SLC9A8: variants seen among roughly 807,000 people sequenced by gnomAD.
The protein encoded by SLC9A8 is solute carrier family 9 member A8.
Under a neutral mutation model 66.6 loss-of-function variants are expected in SLC9A8, and 48 were observed. That is an observed-to-expected ratio of 0.72 (90% CI 0.57 to 0.92). The LOEUF (loss-of-function observed/expected upper bound fraction) is 0.92, where lower values mean the gene tolerates loss of function less well. Among genes scored for constraint, SLC9A8 ranks in the 40% least tolerant of loss-of-function variants. The pLI is 0.00. For synonymous variants in SLC9A8, 274 were observed against 282.6 expected, an observed-to-expected ratio of 0.97 and a Z score of 0.31; for missense variants, 599 against 747.3, an observed-to-expected ratio of 0.80 and a Z score of 2.31.
chr20:49,884,037 G>A lies in SLC9A8; in HGVS notation c.1462G>A (p.Asp488Asn), dbSNP rs1174817697. ...DAKAHRRNKK[D>N]VNLSKTEKMG... ...CAAGGCACACCGCAGGAACAAGAAG[G>A]ACGTCAACCTCAGCAAGACTGAGAA... is the stretch of plus-strand genomic sequence containing the variant. The change falls in exon 14 of 16, where the codon GAC becomes AAC. Residue 488 changes from aspartate (D) to asparagine (N), a missense_variant. Coordinates refer to ENST00000361573, the MANE Select transcript of SLC9A8 (RefSeq NM_015266.3). The A allele has an allele frequency of 1.9e-6, 3 of 1,613,558 alleles. No individual in the cohort carries two copies. Among genetic ancestry groups the A allele is most frequent in the Non-Finnish European group, 2.5e-6 (3 of 1,180,010 alleles).
rs1377087171 is a variant in SLC9A8 at position 49,891,247 on chromosome 20, T to C, written c.*3311T>C. 1.3e-5 allele frequency: 2 copies of C among 151,872 alleles called. No homozygotes were observed. Among genetic ancestry groups the C allele is most frequent in the African/African-American group, 4.8e-5 (2 of 41,302 alleles). The allele number at this position is 151,872 out of a possible 1,614,324, so 9.4% of individuals were successfully genotyped here. On this transcript the variant is annotated 3_prime_UTR_variant, in exon 16 of 16. Transcript: ENST00000361573. ...TCCACCCCCCGCATTCCCTGCCGAGTGAGAGCCAGTGTTTGCTGCCCTTGC... is the reference window on the plus strand; with the variant it reads ...TCCACCCCCCGCATTCCCTGCCGAGCGAGAGCCAGTGTTTGCTGCCCTTGC...
chr20:49,864,756 C>T lies in SLC9A8; in HGVS notation c.870C>T (p.Asp290=). 1 of 1,613,910 alleles carries T rather than the reference C, an allele frequency of 6.2e-7. No homozygotes were observed. The highest frequency in any genetic ancestry group is 8.5e-7 in the Non-Finnish European group (1 of 1,179,774). The part of the protein sequence containing the change: ...LISALVLKHI[D]LRKTPSLEFG... ...TCATTTACGTGCTGAAGCATATTGA[C>T]TTGAGGAAAACGCCTTCCTTGGAGT... is the stretch of plus-strand genomic sequence containing the variant. Residue 290 remains aspartate (D), a synonymous_variant, in exon 10 of 16, where the codon GAC becomes GAT. Transcript: ENST00000361573.
chr20:49,865,393 C>T (rs920092568), intron 10 of SLC9A8, among the ~76,000 whole-genome samples: 1 of 152,174 alleles, frequency 6.6e-6, no homozygotes, highest in Admixed American at 6.5e-5. Context: ...GTTTATTGGA[C>T]ACACTTTACC....
intron 3 of SLC9A8, among the ~76,000 whole-genome samples, chr20:49,825,324 C>T (rs2086877352): frequency 6.6e-6 from 1 of 152,166 alleles, no homozygotes; most frequent in Non-Finnish European, 1.5e-5. Context: ...TCTTTCCATT[C>T]AAGGGACAAA....
At chr20:49,841,959 C>T (rs982573002) in intron 4 of SLC9A8, among the ~76,000 whole-genome samples, 46 of 152,126 alleles carry the variant, frequency 3.0e-4, no homozygotes, top group Admixed American at 6.5e-5. Context: ...AGGCTGTTCT[C>T]GAGCTCCTGG....
In SLC9A8 at chr20:49,814,881, G is replaced by A. The variant is rs890883964; in HGVS notation, c.27-127G>A. ...TTTTCTTAGTAAGTTTCTCTCGAAGGCCTGCCTGTTAAAGACTTCTGAATC... is the reference window on the plus strand; with the variant it reads ...TTTTCTTAGTAAGTTTCTCTCGAAGACCTGCCTGTTAAAGACTTCTGAATC... On this transcript the variant is annotated intron_variant, in intron 1 of 15. Coordinates refer to ENST00000361573, the MANE Select transcript of SLC9A8 (RefSeq NM_015266.3). The A allele has an allele frequency of 1.4e-5, 9 of 652,984 alleles. No individual in the cohort carries two copies. The Admixed American group carries it at 1.6e-4, about 12-fold the overall frequency. The allele number at this position is 652,984 out of a possible 1,614,324, so 40.4% of individuals were successfully genotyped here.
At chr20:49,823,634 T>C (rs1209616591) in intron 3 of SLC9A8, among the ~76,000 whole-genome samples, 1 of 152,176 alleles carries the variant, frequency 6.6e-6, no homozygotes, top group Non-Finnish European at 1.5e-5. Context: ...ATTTCTGTTT[T>C]GTTTCCTGTG....
intron 8 of SLC9A8, among the ~76,000 whole-genome samples, chr20:49,860,607 G>A (rs1178342087): frequency 6.6e-6 from 1 of 152,096 alleles, no homozygotes; most frequent in Non-Finnish European, 1.5e-5. Flanking sequence ...TGTAGTCCCA[G>A]CTACTTGGGA....
intron 7 of SLC9A8, among the ~76,000 whole-genome samples, chr20:49,853,389 A>T (rs1370684954): frequency 1.3e-5 from 2 of 151,942 alleles, no homozygotes; most frequent in Non-Finnish European, 2.9e-5. Flanking sequence ...CCATCCTCCC[A>T]CCTCAGCCTC....
chr20:49,892,117 T>G lies in SLC9A8; in HGVS notation c.*4181T>G, dbSNP rs2090058309. 6.6e-6 allele frequency: 1 copy of G among 152,262 alleles called. No homozygotes were observed. The highest frequency in any genetic ancestry group is 1.5e-5 in the Non-Finnish European group (1 of 68,076). 9.4% of individuals were successfully genotyped at this position (152,262 alleles called of 1,614,324 possible). A position where few individuals can be genotyped will look rare whatever the true frequency, so the allele number is the denominator to read the frequency against. On this transcript the variant is annotated 3_prime_UTR_variant, in exon 16 of 16. Transcript: ENST00000361573. The stretch of plus-strand genomic sequence containing the variant: ...GAAGGCGGGTCAGAGATGGGGGACC[T>G]GTGGCTGCCATGCAGGAGCCCCTGC...
At chr20:49,834,833 G>A (rs2087465803) in intron 3 of SLC9A8, among the ~76,000 whole-genome samples, 1 of 152,028 alleles carries the variant, frequency 6.6e-6, no homozygotes, top group Admixed American at 6.6e-5. Context: ...CATTTAGAAG[G>A]GAAAAAGAAA....
intron 8 of SLC9A8, among the ~76,000 whole-genome samples, chr20:49,862,174 A>C (rs567861670): frequency 6.6e-6 from 1 of 150,384 alleles, no homozygotes; most frequent in Non-Finnish European, 1.5e-5. Context: ...TCCTTTGCAC[A>C]TGCTGTTCCC....
At chr20:49,866,860 TG>T (rs2088991472) in intron 10 of SLC9A8, among the ~76,000 whole-genome samples, 1 of 152,226 alleles carries the variant, frequency 6.6e-6, no homozygotes. Context: ...TCAAAGTCAC[TG>T]ATCTTCTGCC....
chr20:49,834,429 T>C (rs1180550445), intron 3 of SLC9A8, among the ~76,000 whole-genome samples: 3 of 44,670 alleles, frequency 6.7e-5, no homozygotes, highest in Non-Finnish European at 1.3e-4. Flanking sequence ...TGTATATATA[T>C]ACTGTATATA....
intron 8 of SLC9A8, among the ~76,000 whole-genome samples, chr20:49,862,232 T>C (rs2088771881): frequency 1.3e-5 from 2 of 152,112 alleles, no homozygotes; most frequent in African/African-American, 4.8e-5. Flanking sequence ...GTCGTCTTTA[T>C]CCCAAATCTA....
intron 3 of SLC9A8, among the ~76,000 whole-genome samples, chr20:49,826,484 T>C (rs2086916108): frequency 1.3e-5 from 2 of 152,222 alleles, no homozygotes; most frequent in Admixed American, 1.3e-4. Context: ...ATTACTGGTC[T>C]TTTGCTTTAT....
At chr20:49,830,453 C>T (rs1204639659) in intron 3 of SLC9A8, 4 of 822,978 alleles carry the variant, frequency 4.9e-6, no homozygotes, top group African/African-American at 1.7e-5. Context: ...TGGTGCTGGG[C>T]CCCAGTGGTA....
chr20:49,864,868 T>G, intron 10 of SLC9A8, 24 bp downstream of exon 10: 1 of 1,480,536 alleles, frequency 6.8e-7, no homozygotes. Context: ...AGCCTGAAAG[T>G]GCTGTGGTGA....
intron 3 of SLC9A8, among the ~76,000 whole-genome samples, chr20:49,831,685 C>T (rs953652904): frequency 8.5e-5 from 13 of 152,164 alleles, no homozygotes; most frequent in African/African-American, 2.2e-4. Context: ...CAGAGGGTCC[C>T]GTGGGGCCCC....
Sources: allele counts gnomAD v4.1 joint callset (sites outside exome capture counted in the v4.1 genomes callset), GRCh38; gene constraint gnomAD v4.1.1; transcripts MANE v1.5; gene names NCBI Gene and HGNC (gene_info 2026-07-23, HGNC 2026-07-21).